SLC25A21: variants seen among roughly 807,000 people sequenced by gnomAD.
SLC25A21 encodes mitochondrial 2-oxodicarboxylate carrier.
Under a neutral mutation model 43.8 loss-of-function variants are expected in SLC25A21, and 47 were observed. That is an observed-to-expected ratio of 1.07 (90% confidence interval 0.85 to 1.37). The LOEUF (loss-of-function observed/expected upper bound fraction) is 1.37. Ranked by LOEUF, SLC25A21 falls within the 40% of genes most tolerant of loss-of-function variation. The pLI is 0.00. For missense variants in SLC25A21, 352 were observed against 350.2 expected (o/e 1.00, Z -0.04); for synonymous variants, 131 against 121.3 (o/e 1.08, Z -0.52).
intron 1 of SLC25A21, among the ~76,000 whole-genome samples, chr14:37,168,978 G>A (rs968498216): frequency 2.6e-5 from 4 of 152,110 alleles, no homozygotes; most frequent in East Asian, 1.9e-4. Flanking sequence ...CCACACGGCC[G>A]CTTCTCATCC....
intron 1 of SLC25A21, among the ~76,000 whole-genome samples, chr14:37,123,020 A>C (rs972884129): frequency 1.3e-5 from 2 of 152,228 alleles, no homozygotes; most frequent in African/African-American, 4.8e-5. Flanking sequence ...CGTACGCTCT[A>C]TGAATGCTTA....
chr14:36,979,191 T>C (rs1275095994), intron 1 of SLC25A21, among the ~76,000 whole-genome samples: 4 of 152,194 alleles, frequency 2.6e-5, no homozygotes, highest in Non-Finnish European at 5.9e-5. Flanking sequence ...TTTGAGCTAC[T>C]CAAACGAACT....
intron 1 of SLC25A21, among the ~76,000 whole-genome samples, chr14:37,129,006 TTCA>T (rs1031955084): frequency 6.6e-6 from 1 of 152,174 alleles, no homozygotes; most frequent in Non-Finnish European, 1.5e-5. Flanking sequence ...AAATTAAAAA[TTCA>T]TTTCCTCAAT....
At chr14:36,957,679 T>A (rs929282559) in intron 1 of SLC25A21, among the ~76,000 whole-genome samples, 1 of 152,228 alleles carries the variant, frequency 6.6e-6, no homozygotes, top group Non-Finnish European at 1.5e-5. Flanking sequence ...TGATGAGGAT[T>A]TCAAATGCAG....
At chr14:36,903,151 A>T (rs535682648) in intron 1 of SLC25A21, among the ~76,000 whole-genome samples, 1 of 152,284 alleles carries the variant, frequency 6.6e-6, no homozygotes, top group South Asian at 2.1e-4. Context: ...ATTTGCTATA[A>T]CTAGCCTTGC....
intron 1 of SLC25A21, among the ~76,000 whole-genome samples, chr14:37,032,108 A>C (rs1161241081): frequency 6.6e-6 from 1 of 150,380 alleles, no homozygotes; most frequent in Non-Finnish European, 1.5e-5. Context: ...CCATATAGCT[A>C]TCTACATGTT....
chr14:36,712,862 G>C (rs1883946108), intron 6 of SLC25A21, among the ~76,000 whole-genome samples: 1 of 152,110 alleles, frequency 6.6e-6, no homozygotes, highest in Non-Finnish European at 1.5e-5. Context: ...TCAGCACATT[G>C]ACTTTCACCC....
At position 36,944,116 on chromosome 14, in the gene SLC25A21, T is replaced by C. The variant is rs575100416; in HGVS notation, c.71-69112A>G. On this transcript the variant is annotated intron_variant, in intron 1 of 9. Coordinates refer to ENST00000331299, the MANE Select transcript of SLC25A21 (RefSeq NM_030631.4). ...TTTACATCACAGAGCCATGCTCCCGTGTTGGCCTCTGTACTGAAGAGTGAC... is the reference window on the plus strand; with the variant it reads ...TTTACATCACAGAGCCATGCTCCCGCGTTGGCCTCTGTACTGAAGAGTGAC... Among the ~76,000 whole-genome samples the C allele has an allele frequency of 2.0e-5, 3 of 152,122 alleles. No homozygotes were observed. In the East Asian group the frequency reaches 5.8e-4, roughly 30 times the overall value.
In SLC25A21 at chr14:37,147,912, G is replaced by C. The variant is rs188153581; in HGVS notation, c.70+24369C>G. Among the ~76,000 whole-genome samples the C allele has an allele frequency of 2.1e-3, 292 of 139,034 alleles. 1 individual carries two copies. Among genetic ancestry groups the C allele is most frequent in the African/African-American group, 7.6e-3 (289 of 37,900 alleles). The allele number at this position is 139,034 out of a possible 152,430, so 91.2% of individuals were successfully genotyped here. ...GCTGGAGTGCAGTGATGTGATCTCAGTTCACTGCAACCTCCGCCTCCCGGG... is the reference window on the plus strand; with the variant it reads ...GCTGGAGTGCAGTGATGTGATCTCACTTCACTGCAACCTCCGCCTCCCGGG... On this transcript the variant is annotated intron_variant, in intron 1 of 9. Coordinates refer to ENST00000331299, the MANE Select transcript of SLC25A21 (RefSeq NM_030631.4).
intron 1 of SLC25A21, among the ~76,000 whole-genome samples, chr14:37,022,040 A>G (rs962821119): frequency 6.7e-6 from 1 of 149,858 alleles, no homozygotes; most frequent in African/African-American, 2.4e-5. Flanking sequence ...TCTGAGAATT[A>G]GCTGCTTCAT....
intron 2 of SLC25A21, among the ~76,000 whole-genome samples, chr14:36,852,576 T>C (rs1210314876): frequency 6.6e-6 from 1 of 152,224 alleles, no homozygotes; most frequent in Non-Finnish European, 1.5e-5. Flanking sequence ...GTGTGAAATA[T>C]GTAATTTTCA....
intron 1 of SLC25A21, among the ~76,000 whole-genome samples, chr14:37,105,806 C>T (rs558691857): frequency 2.0e-5 from 3 of 152,176 alleles, no homozygotes; most frequent in African/African-American, 7.2e-5. Flanking sequence ...TGGAGTCTGT[C>T]ATTTCATCAT....
At chr14:36,965,532 G>T (rs1959593837) in intron 1 of SLC25A21, among the ~76,000 whole-genome samples, 1 of 152,126 alleles carries the variant, frequency 6.6e-6, no homozygotes, top group African/African-American at 2.4e-5. Flanking sequence ...TCCAATGCTT[G>T]AATAGTCTCA....
intron 2 of SLC25A21, among the ~76,000 whole-genome samples, chr14:36,867,564 G>A (rs1466981907): frequency 6.6e-6 from 1 of 152,128 alleles, no homozygotes; most frequent in African/African-American, 2.4e-5. Context: ...CTTCTGCCCA[G>A]AAGGATGCTC....
chr14:36,997,987 A>G (rs1002250537), intron 1 of SLC25A21, among the ~76,000 whole-genome samples: 5 of 152,190 alleles, frequency 3.3e-5, no homozygotes, highest in Admixed American at 3.3e-4. Flanking sequence ...TTCTTTGCCC[A>G]AGGTTACACA....
chr14:37,070,540 T>C (rs1962150165), intron 1 of SLC25A21, among the ~76,000 whole-genome samples: 1 of 152,170 alleles, frequency 6.6e-6, no homozygotes, highest in East Asian at 1.9e-4. Flanking sequence ...CCCCCCCTTT[T>C]GATGCTACAC....
rs1376685934 is a variant in SLC25A21, at chr14:36,736,362, C to A, written c.204-1789G>T. Among the ~76,000 whole-genome samples, 3 of 152,166 alleles carry A rather than the reference C, an allele frequency of 2.0e-5. No individual in the cohort carries two copies. The East Asian group carries it at 5.8e-4, about 29-fold the overall frequency. Reference sequence around the variant, plus strand: ...CCCTTTTCCATTCCAATTTGAATTACTGATGCCTGAAATTCTCACATCAAC... The same window carrying A: ...CCCTTTTCCATTCCAATTTGAATTAATGATGCCTGAAATTCTCACATCAAC... On this transcript the variant is annotated intron_variant, in intron 3 of 9. Transcript: ENST00000331299.
At chr14:36,722,585 A>C (rs1312833875) in intron 6 of SLC25A21, among the ~76,000 whole-genome samples, 1 of 152,150 alleles carries the variant, frequency 6.6e-6, no homozygotes, top group Non-Finnish European at 1.5e-5. Context: ...TGTGCACCTA[A>C]AATTGCTCTA....
At chr14:36,947,155 T>G (rs1892697513) in intron 1 of SLC25A21, among the ~76,000 whole-genome samples, 1 of 152,136 alleles carries the variant, frequency 6.6e-6, no homozygotes, top group Non-Finnish European at 1.5e-5. Context: ...AGAATCCAAT[T>G]ACATCTACCT....
Sources: allele counts gnomAD v4.1 joint callset (sites outside exome capture counted in the v4.1 genomes callset), GRCh38; gene constraint gnomAD v4.1.1; transcripts MANE v1.5; gene names NCBI Gene and HGNC (gene_info 2026-07-23, HGNC 2026-07-21).